The following FAR2 variants were observed in gnomAD, a reference collection of about 807,000 sequenced individuals.
FAR2 encodes fatty acyl-CoA reductase 2.
FAR2 carries 19 observed loss-of-function variants against 56.0 expected under a neutral mutation model. That is an observed-to-expected ratio of 0.34 (90% CI 0.24 to 0.50). The LOEUF is 0.50. Ranked by LOEUF, FAR2 falls within the 20% of genes least tolerant of loss-of-function variation. The pLI is 0.98. For missense variants in FAR2, 508 were observed against 642.2 expected (o/e 0.79, Z 2.26); for synonymous variants, 219 against 218.8 (o/e 1.00, Z -0.01).
intron 1 of FAR2, among the ~76,000 whole-genome samples, chr12:29,178,399 G>T (rs775621760): frequency 4.6e-5 from 7 of 152,178 alleles, no homozygotes; most frequent in Non-Finnish European, 8.8e-5. Flanking sequence ...TTGGAGACTA[G>T]CCTGGGTAAC....
At position 29,307,849 on chromosome 12, in the gene FAR2, C is replaced by T. The variant is rs747629963; in HGVS notation, c.723+14C>T. On this transcript the variant is annotated intron_variant, in intron 5 of 11. Transcript: ENST00000536681. ...GAGCCTTTCCCAGTAAGCCCACTTA[C>T]CTGGATTCTGTGTTTTGCTTCCAAA... The T allele has an allele frequency of 3.7e-5, 59 of 1,599,612 alleles. 2 individuals are homozygous for T. In the South Asian group the frequency reaches 6.6e-4, roughly 18 times the overall value.
intron 4 of FAR2, among the ~76,000 whole-genome samples, chr12:29,302,236 GAAAAAAAAAAAAA>G (rs57752714): frequency 2.0e-3 from 182 of 93,082 alleles, no homozygotes; most frequent in East Asian, 0.014. Flanking sequence ...CATCTCAAAG[GAAAAAAAAAAAAA>G]AAAAAAAAAA....
At chr12:29,328,171 C>T (rs1348123696) in intron 10 of FAR2, among the ~76,000 whole-genome samples, 1 of 152,010 alleles carries the variant, frequency 6.6e-6, no homozygotes, top group Non-Finnish European at 1.5e-5. Flanking sequence ...TCATCACTGG[C>T]CATCAGAGAA....
rs1263806203 is a variant in FAR2 at position 29,335,158 on chromosome 12, C to T, written c.*1364C>T. Reference sequence around the variant, plus strand: ...ATAAAGAATGGCAGTTATATTTATGCTCACTTCCTGGAGTAATTGGGTAAT... The same window carrying T: ...ATAAAGAATGGCAGTTATATTTATGTTCACTTCCTGGAGTAATTGGGTAAT... On this transcript the variant is annotated 3_prime_UTR_variant, in exon 12 of 12. Transcript: ENST00000536681. 1 of 152,142 alleles carries T rather than the reference C, an allele frequency of 6.6e-6. No homozygotes were observed. The highest frequency in any genetic ancestry group is 2.4e-5 in the African/African-American group (1 of 41,434). 9.4% of individuals were successfully genotyped at this position (152,142 alleles called of 1,614,324 possible).
intron 1 of FAR2, among the ~76,000 whole-genome samples, chr12:29,197,506 T>A (rs1295238790): frequency 6.6e-6 from 1 of 152,174 alleles, no homozygotes; most frequent in Non-Finnish European, 1.5e-5. Context: ...GGGGTATTAA[T>A]CCCATTTCGT....
intron 4 of FAR2, among the ~76,000 whole-genome samples, chr12:29,298,282 T>G (rs1287569400): frequency 8.1e-6 from 1 of 123,916 alleles, no homozygotes; most frequent in Non-Finnish European, 1.6e-5. Context: ...TCCATTTTAC[T>G]AAGTTTACCT....
chr12:29,170,163 AGTT>A lies in FAR2; in HGVS notation c.-39+20760_-39+20762del, dbSNP rs535526047. Among the ~76,000 whole-genome samples, 24 of 152,350 alleles carry A rather than the reference AGTT, an allele frequency of 1.6e-4. No individual in the cohort carries two copies. In the East Asian group the frequency reaches 4.2e-3, roughly 27 times the overall value. ...AACAGCTGGCACGTTTGAGCAGACC[AGTT>A]GTTAGGCAATTTTCCTAACCCTGCT... On this transcript the variant is annotated intron_variant, in intron 1 of 11. Coordinates refer to ENST00000536681, the MANE Select transcript of FAR2 (RefSeq NM_001271783.2).
At chr12:29,217,603 C>T (rs796827699) in intron 1 of FAR2, among the ~76,000 whole-genome samples, 73 of 152,310 alleles carry the variant, frequency 4.8e-4, no homozygotes, top group African/African-American at 1.7e-3. Flanking sequence ...TGAGCTGGAA[C>T]TTACCAAAAT....
chr12:29,160,190 C>T (rs957985465), intron 1 of FAR2, among the ~76,000 whole-genome samples: 1 of 152,214 alleles, frequency 6.6e-6, no homozygotes, highest in Non-Finnish European at 1.5e-5. Flanking sequence ...ACTTTGGCCA[C>T]TGTCAGTTCA....
Position 29,309,247 on chromosome 12 carries a change from AG to A in FAR2, c.768+18del, listed in dbSNP as rs1407961282. The stretch of plus-strand genomic sequence containing the variant: ...ATTATTGCGGTATGTATAATGATGA[AG>A]AAATAACTCCCTGAAATGTAGTAGA... On this transcript the variant is annotated intron_variant, in intron 6 of 11. Transcript: ENST00000536681. 3 of 1,573,276 alleles carry A rather than the reference AG, an allele frequency of 1.9e-6. No homozygotes were observed. The highest frequency in any genetic ancestry group is 2.6e-6 in the Non-Finnish European group (3 of 1,146,918).
intron 2 of FAR2, among the ~76,000 whole-genome samples, chr12:29,288,788 T>C (rs997784040): frequency 2.0e-5 from 3 of 152,198 alleles, no homozygotes; most frequent in Non-Finnish European, 4.4e-5. Flanking sequence ...CATTCTATTG[T>C]AGTAATAGTT....
chr12:29,297,424 G>A (rs935538762), intron 4 of FAR2, among the ~76,000 whole-genome samples: 9 of 152,318 alleles, frequency 5.9e-5, no homozygotes, highest in East Asian at 1.9e-4. Flanking sequence ...GTGGAATTGC[G>A]TAGGATTGCA....
intron 1 of FAR2, among the ~76,000 whole-genome samples, chr12:29,222,957 G>T (rs944532155): frequency 6.6e-5 from 10 of 152,120 alleles, no homozygotes; most frequent in African/African-American, 2.4e-4. Flanking sequence ...TGACAATTTG[G>T]TCCAAATGAA....
At chr12:29,195,775 C>T (rs974479449) in intron 1 of FAR2, among the ~76,000 whole-genome samples, 3 of 152,096 alleles carry the variant, frequency 2.0e-5, no homozygotes, top group Non-Finnish European at 4.4e-5. Flanking sequence ...TATTGCATAG[C>T]AGTGAGGTCT....
rs553808405 is a variant in FAR2 at position 29,150,946 on chromosome 12, A to G, written c.-39+1539A>G. Among the ~76,000 whole-genome samples the G allele has an allele frequency of 2.0e-5, 3 of 152,344 alleles. No homozygotes were observed. The South Asian group carries it at 6.2e-4, about 32-fold the overall frequency. ...AATGAAAATATGCTTTCCTTAAAGG[A>G]AGCTAAAATGTGACATCCAGTTACA... On this transcript the variant is annotated intron_variant, in intron 1 of 11. Transcript: ENST00000536681.
At chr12:29,257,363 G>A (rs1280141834) in intron 1 of FAR2, among the ~76,000 whole-genome samples, 34 of 152,146 alleles carry the variant, frequency 2.2e-4, no homozygotes, top group Non-Finnish European at 2.1e-4. Context: ...CTCAGGGATT[G>A]TAAATGCACC....
chr12:29,330,798 T>G (rs1316609030), intron 10 of FAR2, among the ~76,000 whole-genome samples: 2 of 152,176 alleles, frequency 1.3e-5, no homozygotes, highest in Non-Finnish European at 2.9e-5. Flanking sequence ...GCTTTTTGGT[T>G]TTGATAATAT....
intron 5 of FAR2, chr12:29,308,171 A>G (rs1949283927): frequency 5.5e-6 from 1 of 183,264 alleles, no homozygotes; most frequent in Non-Finnish European, 1.1e-5. Context: ...TTGATGGCCA[A>G]ATTGGTAGTA....
intron 1 of FAR2, among the ~76,000 whole-genome samples, chr12:29,162,890 G>C (rs1319026198): frequency 6.6e-6 from 1 of 152,186 alleles, no homozygotes; most frequent in Non-Finnish European, 1.5e-5. Flanking sequence ...CATTCAACGA[G>C]TATTTATTCA....
Sources: allele counts gnomAD v4.1 joint callset (sites outside exome capture counted in the v4.1 genomes callset), GRCh38; gene constraint gnomAD v4.1.1; transcripts MANE v1.5; gene names NCBI Gene and HGNC (gene_info 2026-07-23, HGNC 2026-07-21).